The following HMGA2 variants were observed in gnomAD, a reference collection of about 807,000 sequenced individuals.
HMGA2 encodes the protein high mobility group protein HMGI-C.
A neutral mutation model predicts 19.1 loss-of-function variants in HMGA2; 8 were observed. The ratio of observed to expected loss-of-function variants is 0.42; its 90% CI spans 0.25 to 0.76. The LOEUF (loss-of-function observed/expected upper bound fraction) is 0.76. Ranked by LOEUF, HMGA2 falls within the 30% of genes least tolerant of loss-of-function variation. The pLI is 0.28. For missense variants in HMGA2, 109 were observed against 136.3 expected (o/e 0.80, Z 1.00); for synonymous variants, 60 against 48.8 (o/e 1.23, Z -0.96).
At chr12:65,849,736 ATTTT>A (rs34541445) in intron 3 of HMGA2, among the ~76,000 whole-genome samples, 10 of 85,128 alleles carry the variant, frequency 1.2e-4, no homozygotes, top group South Asian at 4.5e-4. Context: ...TAGGCTCTGT[ATTTT>A]TTTTTTTTTT....
intron 2 of HMGA2, among the ~76,000 whole-genome samples, chr12:65,832,594 G>A (rs1486273152): frequency 6.6e-6 from 1 of 152,024 alleles, no homozygotes; most frequent in East Asian, 1.9e-4. Context: ...ACTTTCTGCA[G>A]TTTACAGAGC....
At chr12:65,936,848 G>C (rs1428161903) in intron 3 of HMGA2, among the ~76,000 whole-genome samples, 1 of 152,076 alleles carries the variant, frequency 6.6e-6, no homozygotes, top group Admixed American at 6.5e-5. Flanking sequence ...ACGCATACCT[G>C]GTCTCATACT....
chr12:65,951,549 GTGT>G, intron 4 of HMGA2, 134 bp downstream of exon 4: 1 of 661,592 alleles, frequency 1.5e-6, no homozygotes, highest in Admixed American at 2.7e-5. Context: ...TCCTGAAAAT[GTGT>G]TGTAGCCTTC....
chr12:65,915,229 T>C, intron 3 of HMGA2: 8 of 1,586,106 alleles, frequency 5.0e-6, no homozygotes, highest in Non-Finnish European at 6.9e-6. Flanking sequence ...TTCTCCGATA[T>C]AGAAACCTAT....
intron 3 of HMGA2, among the ~76,000 whole-genome samples, chr12:65,863,397 G>A (rs1331562694): frequency 1.3e-5 from 2 of 151,888 alleles, no homozygotes; most frequent in African/African-American, 2.4e-5. Flanking sequence ...TAAACTGACT[G>A]CCTTGGCCTC....
intron 3 of HMGA2, among the ~76,000 whole-genome samples, chr12:65,854,302 T>A (rs1342270624): frequency 1.3e-5 from 2 of 152,238 alleles, no homozygotes; most frequent in Non-Finnish European, 2.9e-5. Flanking sequence ...AAATAAAACT[T>A]TCTTTCGTGC....
intron 1 of HMGA2, among the ~76,000 whole-genome samples, chr12:65,827,331 T>C (rs1482803078): frequency 6.6e-6 from 1 of 152,214 alleles, no homozygotes; most frequent in Non-Finnish European, 1.5e-5. Context: ...AGGCCATGCC[T>C]GCATCTCCAA....
At chr12:65,831,775 A>C (rs1870489926) in intron 2 of HMGA2, among the ~76,000 whole-genome samples, 1 of 151,968 alleles carries the variant, frequency 6.6e-6, no homozygotes, top group Non-Finnish European at 1.5e-5. Context: ...TATTTTAAAA[A>C]GAGAGAAGAT....
chr12:65,834,326 CTTCTGG>C, intron 2 of HMGA2, among the ~76,000 whole-genome samples: 1 of 152,308 alleles, frequency 6.6e-6, no homozygotes, highest in Admixed American at 6.5e-5. Flanking sequence ...ACCCACAAGA[CTTCTGG>C]TTCCCAAATA....
intron 3 of HMGA2, chr12:65,881,559 A>AT: frequency 1.7e-6 from 1 of 588,424 alleles, no homozygotes; most frequent in East Asian, 2.8e-5. Context: ...CTACCAAGTA[A>AT]TGGAAAGATC....
At chr12:65,947,103 G>C (rs1876292905) in intron 3 of HMGA2, among the ~76,000 whole-genome samples, 1 of 151,988 alleles carries the variant, frequency 6.6e-6, no homozygotes, top group African/African-American at 2.4e-5. Context: ...TCAACTCATG[G>C]GGTCTTTGAA....
At chr12:65,915,888 C>G (rs1875081374) in intron 3 of HMGA2, among the ~76,000 whole-genome samples, 1 of 152,218 alleles carries the variant, frequency 6.6e-6, no homozygotes, top group African/African-American at 2.4e-5. Context: ...TTGCTTCCCC[C>G]TCTTCTCTAC....
intron 3 of HMGA2, chr12:65,914,696 CGGAGTCTTGTTTTTGTTGCTCAGGCT>C (rs1284907233): frequency 1.0e-5 from 3 of 289,066 alleles, no homozygotes; most frequent in African/African-American, 2.2e-5. Flanking sequence ...GTTTTTGAGA[CGGAGTCTTGTTTTTGTTGCTCAGGCT>C]GGAGTGCAGT....
intron 3 of HMGA2, among the ~76,000 whole-genome samples, chr12:65,949,511 G>A (rs879942585): frequency 6.6e-6 from 1 of 152,170 alleles, no homozygotes; most frequent in Non-Finnish European, 1.5e-5. Context: ...GCGATGTGTA[G>A]ATAGAATAAT....
At chr12:65,855,031 C>G (rs1871660649) in intron 3 of HMGA2, among the ~76,000 whole-genome samples, 1 of 152,218 alleles carries the variant, frequency 6.6e-6, no homozygotes, top group Admixed American at 6.5e-5. Flanking sequence ...ACTTCAGAGG[C>G]CAGGAAAGAA....
rs1190731371 is a variant in HMGA2 at position 65,881,665 on chromosome 12, AG to A, written c.249+43100del. 2.6e-5 allele frequency: 18 copies of A among 683,822 alleles called. No homozygotes were observed. The East Asian group carries it at 4.9e-4, about 18-fold the overall frequency. 42.4% of individuals were successfully genotyped at this position (683,822 alleles called of 1,614,324 possible). Reference sequence around the variant, plus strand: ...GAGGGAGGGAGAAAGAGAGAGAGAGAGGGGAGAAATATGAGAGGAGGAGAGA... The same window carrying A: ...GAGGGAGGGAGAAAGAGAGAGAGAGAGGGAGAAATATGAGAGGAGGAGAGA... On this transcript the variant is annotated intron_variant, in intron 3 of 4. Coordinates refer to ENST00000403681, the MANE Select transcript of HMGA2 (RefSeq NM_003483.6).
intron 4 of HMGA2, among the ~76,000 whole-genome samples, chr12:65,960,155 C>T (rs767945091): frequency 3.2e-4 from 49 of 152,316 alleles, no homozygotes; most frequent in Non-Finnish European, 3.7e-4. Flanking sequence ...TCCCAAAGTG[C>T]TGGGATTACA....
chr12:65,868,219 G>T (rs151217590), intron 3 of HMGA2, among the ~76,000 whole-genome samples: 2 of 152,274 alleles, frequency 1.3e-5, no homozygotes, highest in Admixed American at 1.3e-4. Flanking sequence ...TGGTTAAATT[G>T]TTAATTCTTT....
intron 3 of HMGA2, among the ~76,000 whole-genome samples, chr12:65,949,839 C>T (rs950080615): frequency 2.6e-5 from 4 of 152,158 alleles, no homozygotes; most frequent in African/African-American, 9.7e-5. Context: ...ATTAAAAGAA[C>T]TCTTACAACT....
Sources: allele counts gnomAD v4.1 joint callset (sites outside exome capture counted in the v4.1 genomes callset), GRCh38; gene constraint gnomAD v4.1.1; transcripts MANE v1.5; gene names NCBI Gene and HGNC (gene_info 2026-07-23, HGNC 2026-07-21).